Variants in ZNF584 observed in about 807,000 individuals in gnomAD.
The protein encoded by ZNF584 is zinc finger protein 584.
Under a neutral mutation model 14.7 loss-of-function variants are expected in ZNF584, and 12 were observed. That is an observed-to-expected ratio of 0.82 (90% CI 0.52 to 1.32). ZNF584 has a LOEUF of 1.32. Among genes scored for constraint, ZNF584 ranks in the 40% most tolerant of loss-of-function variants. The pLI is 0.00. For synonymous variants in ZNF584, 204 were observed against 190.9 expected, an observed-to-expected ratio of 1.07 and a Z score of -0.57; for missense variants, 478 against 518.8, an observed-to-expected ratio of 0.92 and a Z score of 0.76.
intron 2 of ZNF584, among the ~76,000 whole-genome samples, chr19:58,413,536 G>A (rs187896216): frequency 2.2e-4 from 33 of 150,260 alleles, no homozygotes; most frequent in African/African-American, 7.6e-4. Context: ...TTGAGGTGGA[G>A]TCTGATGCCT....
chr19:58,403,575 A>G (rs989252612), intron 1 of ZNF584, among the ~76,000 whole-genome samples: 7 of 152,150 alleles, frequency 4.6e-5, no homozygotes, highest in Non-Finnish European at 8.8e-5. Flanking sequence ...GGGCAGTAAA[A>G]GTATTTTGTA....
intron 1 of ZNF584, among the ~76,000 whole-genome samples, 159 bp from the exon 2 acceptor site, chr19:58,409,782 G>A (rs907297507): frequency 6.6e-6 from 1 of 152,122 alleles, no homozygotes; most frequent in Admixed American, 6.6e-5. Context: ...AAGGTATAAG[G>A]GTATGTGTAG....
At chr19:58,409,875 A>G in intron 1 of ZNF584, 66 bp from the exon 2 acceptor site, 1 of 1,599,438 alleles carries the variant, frequency 6.3e-7, no homozygotes, top group Non-Finnish European at 8.6e-7. Flanking sequence ...GATACAGGTC[A>G]AGGGCCTGAA....
rs1490305019 is a variant in ZNF584, at chr19:58,417,225, A to G, written c.707A>G (p.His236Arg). 1.1e-5 allele frequency: 18 copies of G among 1,614,078 alleles called. No homozygotes were observed. The highest frequency in any genetic ancestry group is 1.5e-5 in the Non-Finnish European group (18 of 1,180,048). ...PSKLRKHQKV[H>R]TGIKPFKCSD... is the part of the protein sequence containing the mutation. ...AAGCTGAGGAAACACCAGAAGGTTC[A>G]CACAGGCATAAAACCTTTTAAGTGT... The change falls in exon 4 of 4, where the codon CAC becomes CGC. Residue 236 changes from histidine to arginine, a missense_variant. By Grantham distance (29) the His-to-Arg change is conservative. This residue lies in a region of ZNF584 where 283 missense variants were observed against 317.3 expected (regional missense o/e 0.89). Transcript: ENST00000306910.
chr19:58,415,457 A>T lies in ZNF584; in HGVS notation c.170-67A>T, dbSNP rs1299471021. The T allele has an allele frequency of 1.9e-6, 3 of 1,554,214 alleles. No individual in the cohort carries two copies. The East Asian group carries it at 6.8e-5, about 35-fold the overall frequency. The stretch of plus-strand genomic sequence containing the variant: ...AAGTGATCTCCTACCTCACTTTCCA[A>T]AGTGCTGGGATTACAGGCATCAGCC... On this transcript the variant is annotated intron_variant, in intron 2 of 3. Coordinates refer to ENST00000306910, the MANE Select transcript of ZNF584 (RefSeq NM_173548.3).
chr19:58,407,778 A>T (rs1452736970), upstream of ZNF584, among the ~76,000 whole-genome samples: 1 of 152,194 alleles, frequency 6.6e-6, no homozygotes. Context: ...ACGCGTCTGA[A>T]TTCAGCGGAG....
upstream of ZNF584, among the ~76,000 whole-genome samples, chr19:58,407,784 C>T (rs752760787): frequency 2.3e-4 from 35 of 152,202 alleles, no homozygotes; most frequent in Admixed American, 3.3e-4. Flanking sequence ...CTGAATTCAG[C>T]GGAGGACACC....
Position 58,409,024 on chromosome 19 carries a change from C to T in ZNF584, c.-124C>T, listed in dbSNP as rs2052505020. 8.0e-7 allele frequency: 1 copy of T among 1,250,140 alleles called. No homozygotes were observed. The highest frequency in any genetic ancestry group is 1.1e-6 in the Non-Finnish European group (1 of 937,452). The allele number at this position is 1,250,140 out of a possible 1,614,324, so 77.4% of individuals were successfully genotyped here. On this transcript the variant is annotated 5_prime_UTR_variant, in exon 1 of 4. The change creates a new upstream start codon in the 5' untranslated region. Coordinates refer to ENST00000306910, the MANE Select transcript of ZNF584 (RefSeq NM_173548.3). ...CGGGAAGCGGTTCCCTGTCTTCGGA[C>T]GCATTTCACCCGCGCGGGGAGAGCT...
upstream of ZNF584, among the ~76,000 whole-genome samples, chr19:58,407,486 C>A (rs553479953): frequency 6.6e-6 from 1 of 152,216 alleles, no homozygotes; most frequent in African/African-American, 2.4e-5. Context: ...TGGCCACTCA[C>A]GGCCCTTGGG....
At chr19:58,407,064 C>G (rs770552806), upstream of ZNF584, 2 of 152,498 alleles carry the variant, frequency 1.3e-5, no homozygotes, top group African/African-American at 4.8e-5. Flanking sequence ...AGTGGAGGCA[C>G]CAAGACCTGC....
chr19:58,412,380 T>G (rs2052588136), intron 2 of ZNF584, among the ~76,000 whole-genome samples: 1 of 151,442 alleles, frequency 6.6e-6, no homozygotes, highest in African/African-American at 2.4e-5. Context: ...CGGCTAATTT[T>G]TTGTATTTTT....
At chr19:58,410,671 ATGTG>A (rs1181490177) in intron 2 of ZNF584, among the ~76,000 whole-genome samples, 8 of 11,384 alleles carry the variant, frequency 7.0e-4, no homozygotes, top group Admixed American at 1.4e-3. Flanking sequence ...ATATGTATAT[ATGTG>A]TATATATATG....
Position 58,410,585 on chromosome 19 carries a change from A to ATATATATG in ZNF584, c.169+502_169+509dup, listed in dbSNP as rs1219344651. Among the ~76,000 whole-genome samples, 2 of 26,244 alleles carry ATATATATG rather than the reference A, an allele frequency of 7.6e-5. 1 individual carries two copies. Among genetic ancestry groups the ATATATATG allele is most frequent in the East Asian group, 1.0e-3 (2 of 1,956 alleles). 17.2% of individuals were successfully genotyped at this position (26,244 alleles called of 152,430 possible). The stretch of plus-strand genomic sequence containing the variant: ...TGTATATATATATGTATATATATGT[A>ATATATATG]TATATATGTATATATATGTATATAT... On this transcript the variant is annotated intron_variant, in intron 2 of 3. Transcript: ENST00000306910.
At chr19:58,409,589 T>C (rs572495888) in intron 1 of ZNF584, among the ~76,000 whole-genome samples, 4 of 152,098 alleles carry the variant, frequency 2.6e-5, no homozygotes, top group Non-Finnish European at 5.9e-5. Flanking sequence ...AGAGGTATGA[T>C]CTCTGGGACT....
chr19:58,407,364 A>T (rs2052482089), upstream of ZNF584: 1 of 152,310 alleles, frequency 6.6e-6, no homozygotes, highest in South Asian at 2.1e-4. Context: ...GGCAGGACCC[A>T]GTGGGCCCAC....
chr19:58,407,924 T>C (rs955316361), upstream of ZNF584, among the ~76,000 whole-genome samples: 3 of 152,320 alleles, frequency 2.0e-5, no homozygotes, highest in Admixed American at 1.3e-4. Flanking sequence ...TGGCCTGATA[T>C]GGGGTAGACT....
intron 3 of ZNF584, chr19:58,415,925 A>G (rs1173658974): frequency 3.1e-6 from 5 of 1,598,530 alleles, no homozygotes; most frequent in Non-Finnish European, 4.2e-6. Context: ...TGAAATGTGC[A>G]CATATCCTTA....
chr19:58,417,788 CGT>C lies in ZNF584; in HGVS notation c.*7_*8del. On this transcript the variant is annotated 3_prime_UTR_variant, in exon 4 of 4. Coordinates refer to ENST00000306910, the MANE Select transcript of ZNF584 (RefSeq NM_173548.3). ...TGGGAAGGTCGTTAGCTGCTAGCAC[CGT>C]GTTCATCAGGAAAGGTCTTATTCCA... 1 of 1,591,608 alleles carries C rather than the reference CGT, an allele frequency of 6.3e-7. No individual in the cohort carries two copies. Among genetic ancestry groups the C allele is most frequent in the Non-Finnish European group, 8.6e-7 (1 of 1,168,876 alleles).
chr19:58,407,459 C>G (rs150598271), upstream of ZNF584, among the ~76,000 whole-genome samples: 853 of 152,344 alleles, frequency 5.6e-3, 6 homozygotes, highest in Non-Finnish European at 9.1e-3. Context: ...GATTCAGAGA[C>G]TTCTGAGCCC....
Sources: allele counts gnomAD v4.1 joint callset (sites outside exome capture counted in the v4.1 genomes callset), GRCh38; gene constraint gnomAD v4.1.1; regional missense constraint gnomAD v4.1.1; transcripts MANE v1.5; gene names NCBI Gene and HGNC (gene_info 2026-07-23, HGNC 2026-07-21).